STK3: variants seen among roughly 807,000 people sequenced by gnomAD.
The protein encoded by STK3 is serine/threonine-protein kinase 3.
In STK3, 41 loss-of-function variants were observed where a neutral mutation model predicts 58.0. The observed-to-expected ratio is 0.71, with a 90% CI of 0.55 to 0.92. The LOEUF is 0.92. Ranked by LOEUF, STK3 falls within the 40% of genes least tolerant of loss-of-function variation. STK3 has a pLI of 0.00. For missense variants in STK3, 479 were observed against 602.7 expected, an observed-to-expected ratio of 0.79 and a Z score of 2.15; for synonymous variants, 170 against 191.0, an observed-to-expected ratio of 0.89 and a Z score of 0.91.
intron 4 of STK3, chr8:98,721,130 T>G: frequency 1.0e-6 from 1 of 985,226 alleles, no homozygotes; most frequent in Non-Finnish European, 1.2e-6. Flanking sequence ...GGTGGCTTTA[T>G]GAGCATTTTA....
chr8:98,722,873 G>A (rs1827535593), intron 4 of STK3: 1 of 507,086 alleles, frequency 2.0e-6, no homozygotes, highest in Admixed American at 2.0e-5. Context: ...TCATATAGAA[G>A]AAGGTAATGT....
rs143599013 is a variant in STK3 at position 98,594,033 on chromosome 8, C to A, written c.822+1999G>T. ...AAAATACATATATATTTCAGCAGGG[C>A]GAGATAGCTCACGCCTATAATCCCA... On this transcript the variant is annotated intron_variant, in intron 7 of 10. Transcript: ENST00000419617. 6.2e-4 allele frequency among the ~76,000 whole-genome samples: 95 copies of A among 152,144 alleles called. 1 individual carries two copies. The highest frequency in any genetic ancestry group is 2.0e-3 in the African/African-American group (81 of 41,500).
At chr8:98,797,214 T>A (rs1476181) in intron 1 of STK3, among the ~76,000 whole-genome samples, 106,927 of 152,148 alleles carry the variant, frequency 0.7, 38,468 homozygotes, top group African/African-American at 0.85. Context: ...TATATCAGCA[T>A]TTGCTGCTAG....
chr8:98,586,248 CTTA>C (rs949512203), intron 7 of STK3, among the ~76,000 whole-genome samples: 5 of 151,778 alleles, frequency 3.3e-5, no homozygotes, highest in Admixed American at 1.3e-4. Flanking sequence ...ATAGATAGCT[CTTA>C]TTATTTTGAA....
At chr8:98,776,450 T>C (rs1318685454) in intron 1 of STK3, among the ~76,000 whole-genome samples, 1 of 152,222 alleles carries the variant, frequency 6.6e-6, no homozygotes, top group Non-Finnish European at 1.5e-5. Context: ...TTATTCCATG[T>C]ACTTTTCCCC....
chr8:98,763,383 C>T (rs964449398), intron 3 of STK3, among the ~76,000 whole-genome samples: 6 of 151,884 alleles, frequency 4.0e-5, no homozygotes, highest in African/African-American at 1.5e-4. Context: ...TTAAAATGAA[C>T]AAAAAAAGAT....
intron 10 of STK3, among the ~76,000 whole-genome samples, chr8:98,513,013 G>T (rs1824638580): frequency 6.6e-6 from 1 of 151,760 alleles, no homozygotes; most frequent in Non-Finnish European, 1.5e-5. Flanking sequence ...GATGAATGAA[G>T]GAAAAAATAA....
chr8:98,770,481 C>G (rs1272925724), intron 2 of STK3, among the ~76,000 whole-genome samples: 3 of 152,142 alleles, frequency 2.0e-5, no homozygotes, highest in African/African-American at 7.2e-5. Context: ...CATGTTAGCT[C>G]AAACAGTTGG....
intron 3 of STK3, among the ~76,000 whole-genome samples, chr8:98,836,261 T>C (rs1293629702): frequency 4.0e-5 from 6 of 150,636 alleles, no homozygotes; most frequent in Non-Finnish European, 5.9e-5. Context: ...GGCTGGGAGG[T>C]CCAAGATCAA....
At chr8:98,359,624 T>C in the STK3 span, among the ~76,000 whole-genome samples, 2 of 152,078 alleles carry the variant, frequency 1.3e-5, no homozygotes. Flanking sequence ...ACTGCAATAG[T>C]CTCCTAATGG....
chr8:98,692,582 T>C (rs1824492873), intron 6 of STK3, among the ~76,000 whole-genome samples: 2 of 152,292 alleles, frequency 1.3e-5, no homozygotes, highest in South Asian at 2.1e-4. Flanking sequence ...TATGGAGAAT[T>C]ATTGTTTAAT....
At chr8:98,435,768 G>C (rs969720156) in intron 2 of STK3, among the ~76,000 whole-genome samples, 1 of 152,166 alleles carries the variant, frequency 6.6e-6, no homozygotes, top group Non-Finnish European at 1.5e-5. Flanking sequence ...GGGATACACA[G>C]AGCGGGTGTG....
chr8:98,428,171 C>T lies in STK3; in HGVS notation n.483+5956G>A, dbSNP rs1337769753. ...TGGAGCTCTGCGATGACTACGACGA[C>T]GTCCAGCGGGAGTTCTACTTCGACC... On this transcript the variant is annotated intron_variant and non_coding_transcript_variant, in intron 3 of 3. Coordinates refer to the STK3 transcript ENST00000517832. This position sits in a 1 kb window ranked among gnomAD's most constrained non-coding sequence, Gnocchi z 6.7. 4 of 1,614,152 alleles carry T rather than the reference C, an allele frequency of 2.5e-6. No individual in the cohort carries two copies. Among genetic ancestry groups the T allele is most frequent in the Admixed American group, 1.7e-5 (1 of 60,030 alleles).
intron 6 of STK3, among the ~76,000 whole-genome samples, chr8:98,610,390 C>T (rs1817101188): frequency 2.0e-5 from 3 of 152,180 alleles, no homozygotes; most frequent in African/African-American, 7.2e-5. Flanking sequence ...ATTAGAAGAT[C>T]AGAATATTAT....
In STK3 at chr8:98,414,280, A is replaced by T. The variant is rs192009726; in HGVS notation, n.484-12767T>A. Among the ~76,000 whole-genome samples, 59 of 152,274 alleles carry T rather than the reference A, an allele frequency of 3.9e-4. No individual in the cohort carries two copies. The East Asian group carries it at 5.0e-3, about 13-fold the overall frequency. ...CTCTGTCTCAAAAAAATAATAATAAAAAAATAAAATAAAATAGTAATTTCG... is the reference window on the plus strand; with the variant it reads ...CTCTGTCTCAAAAAAATAATAATAATAAAATAAAATAAAATAGTAATTTCG... On this transcript the variant is annotated intron_variant and non_coding_transcript_variant, in intron 3 of 3. Coordinates refer to the STK3 transcript ENST00000517832.
intron 10 of STK3, among the ~76,000 whole-genome samples, chr8:98,503,417 T>A (rs573477489): frequency 4.2e-4 from 64 of 152,326 alleles, no homozygotes; most frequent in Non-Finnish European, 8.2e-4. Context: ...TCTGCTCTCA[T>A]CTTAGTTATT....
At chr8:98,809,533 C>T (rs1834090765) in intron 1 of STK3, among the ~76,000 whole-genome samples, 2 of 152,178 alleles carry the variant, frequency 1.3e-5, no homozygotes, top group Non-Finnish European at 2.9e-5. Context: ...CCCGTGTAAC[C>T]ACTATTCTAC....
At chr8:98,367,209 T>C (rs1817573089), downstream of STK3, among the ~76,000 whole-genome samples, 1 of 152,202 alleles carries the variant, frequency 6.6e-6, no homozygotes, top group South Asian at 2.1e-4. Context: ...TAGCCCATAG[T>C]AAGTATTCAA....
intron 1 of STK3, among the ~76,000 whole-genome samples, chr8:98,776,314 C>T (rs1447449676): frequency 1.3e-5 from 2 of 151,944 alleles, no homozygotes; most frequent in East Asian, 3.9e-4. Flanking sequence ...GTTTCACAAA[C>T]ATTTTGTAGC....
Sources: gnomAD v4.1 joint callset for allele counts (sites outside exome capture counted in the v4.1 genomes callset) on GRCh38, gnomAD v4.1.1 for gene constraint, Gnocchi (gnomAD v3.1) non-coding constraint, MANE v1.5 for transcripts, NCBI Gene and HGNC (gene_info 2026-07-23, HGNC 2026-07-21) for gene names.